The following SPON1 variants were observed in gnomAD, a reference collection of about 807,000 sequenced individuals.
SPON1 encodes spondin 1.
In SPON1, 52 loss-of-function variants were observed where a neutral mutation model predicts 111.7. The observed-to-expected ratio is 0.47, with a 90% CI of 0.37 to 0.59. The LOEUF (loss-of-function observed/expected upper bound fraction) is 0.59, where lower values mean the gene tolerates loss of function less well. Ranked by LOEUF, SPON1 falls within the 20% of genes least tolerant of loss-of-function variation. SPON1 has a pLI of 0.00. For missense variants in SPON1, 957 were observed against 1,068.5 expected (o/e 0.90, Z 1.46); for synonymous variants, 410 against 395.8 (o/e 1.04, Z -0.43).
chr11:14,114,906 A>T (rs1849255541), intron 5 of SPON1, among the ~76,000 whole-genome samples: 1 of 152,110 alleles, frequency 6.6e-6, no homozygotes, highest in African/African-American at 2.4e-5. Context: ...ATTTTTGTTA[A>T]AGTAAGGTGG....
At position 14,059,888 on chromosome 11, in the gene SPON1, A is replaced by G. The variant is rs73422184; in HGVS notation, c.480-15457A>G. Among the ~76,000 whole-genome samples, 182 of 152,306 alleles carry G rather than the reference A, an allele frequency of 1.2e-3. 3 individuals carry two copies. Among genetic ancestry groups the G allele is most frequent in the Middle Eastern group, 0.01 (3 of 294 alleles). The stretch of plus-strand genomic sequence containing the variant: ...GCTTCTGCTAATTGTGTTGTCAAGA[A>G]GGTCCTTGACTGGTTCTAAGCATTC... On this transcript the variant is annotated intron_variant, in intron 3 of 15. Coordinates refer to ENST00000576479, the MANE Select transcript of SPON1 (RefSeq NM_006108.4).
chr11:14,209,193 G>T (rs1433488633), intron 6 of SPON1, among the ~76,000 whole-genome samples: 1 of 152,182 alleles, frequency 6.6e-6, no homozygotes, highest in Non-Finnish European at 1.5e-5. Context: ...GTTATTGACA[G>T]CTCACAGAAT....
intron 2 of SPON1, among the ~76,000 whole-genome samples, chr11:14,028,192 A>G (rs1350849348): frequency 1.3e-5 from 2 of 152,166 alleles, no homozygotes; most frequent in Non-Finnish European, 2.9e-5. Context: ...GCAAGAATGT[A>G]GAGTCTGTGC....
At position 14,254,509 on chromosome 11, in the gene SPON1, C is replaced by A. The variant is rs547857268; in HGVS notation, c.891-19C>A. 5.1e-6 allele frequency: 8 copies of A among 1,573,422 alleles called. No individual in the cohort carries two copies. In the East Asian group the frequency reaches 1.8e-4, roughly 35 times the overall value. Reference sequence around the variant, plus strand: ...ACCCCCAGAACTCTAATATAATGGTCTCTGTATTTCGTTTCCAGGAGAGCA... The same window carrying A: ...ACCCCCAGAACTCTAATATAATGGTATCTGTATTTCGTTTCCAGGAGAGCA... On this transcript the variant is annotated intron_variant, in intron 7 of 15. Transcript: ENST00000576479.
In SPON1 at chr11:14,079,921, T is replaced by C. The variant is rs1564900134; in HGVS notation, c.576T>C (p.Thr192=). 6.2e-7 allele frequency: 1 copy of C among 1,613,976 alleles called. No individual in the cohort carries two copies. Among genetic ancestry groups the C allele is most frequent in the Non-Finnish European group, 8.5e-7 (1 of 1,179,868 alleles). ...CEQDSTFDGV[T]DKPILDCCAC... The stretch of plus-strand genomic sequence containing the variant: ...CAGATTCCACATTTGATGGGGTGAC[T>C]GACAAACCCATCTTAGACTGCTGTG... Residue 192 remains threonine, a synonymous_variant, in exon 5 of 16, where the codon ACT becomes ACC. Coordinates refer to ENST00000576479, the MANE Select transcript of SPON1 (RefSeq NM_006108.4).
At chr11:13,972,749 G>A (rs576790023) in intron 1 of SPON1, among the ~76,000 whole-genome samples, 1 of 152,316 alleles carries the variant, frequency 6.6e-6, no homozygotes, top group South Asian at 2.1e-4. Flanking sequence ...GGTGATTCTT[G>A]TAGTTTAGGC....
chr11:14,107,680 G>A (rs1554925070), intron 5 of SPON1, among the ~76,000 whole-genome samples: 1 of 151,894 alleles, frequency 6.6e-6, no homozygotes, highest in Non-Finnish European at 1.5e-5. Context: ...GAAGGTGGGA[G>A]AGAGAGCAAG....
intron 5 of SPON1, among the ~76,000 whole-genome samples, chr11:14,130,965 G>A (rs1023160588): frequency 4.6e-5 from 7 of 152,072 alleles, no homozygotes; most frequent in Non-Finnish European, 7.4e-5. Flanking sequence ...GGTATAAGGA[G>A]GTTTGAGAAC....
intron 2 of SPON1, among the ~76,000 whole-genome samples, chr11:14,034,070 A>C (rs1848577298): frequency 6.6e-6 from 1 of 152,336 alleles, no homozygotes; most frequent in African/African-American, 2.4e-5. Context: ...CAAGCTACTC[A>C]GGAGGCTGAA....
chr11:14,105,628 G>A (rs918691002), intron 5 of SPON1, among the ~76,000 whole-genome samples: 1 of 151,548 alleles, frequency 6.6e-6, no homozygotes. Flanking sequence ...CTTCTCTCGT[G>A]CCTGACAAAC....
chr11:14,214,741 T>G (rs571738292), intron 6 of SPON1, among the ~76,000 whole-genome samples: 15 of 152,352 alleles, frequency 9.8e-5, no homozygotes, highest in African/African-American at 3.6e-4. Context: ...CCAGAGTGAC[T>G]GGAACATTGT....
intron 5 of SPON1, among the ~76,000 whole-genome samples, chr11:14,120,123 A>G (rs559718218): frequency 6.6e-6 from 1 of 152,152 alleles, no homozygotes; most frequent in South Asian, 2.1e-4. Flanking sequence ...TGGGTGAGTC[A>G]TTTAATCTGT....
intron 6 of SPON1, among the ~76,000 whole-genome samples, chr11:14,190,845 T>A (rs185232955): frequency 2.6e-5 from 4 of 152,092 alleles, no homozygotes; most frequent in African/African-American, 7.2e-5. Context: ...TTCACCACCT[T>A]GACCAGGCTG....
intron 2 of SPON1, among the ~76,000 whole-genome samples, chr11:13,996,724 T>TATATATATATATATAC (rs569794197): frequency 3.1e-4 from 47 of 152,036 alleles, no homozygotes; most frequent in Admixed American, 1.7e-3. Flanking sequence ...TATATATATA[T>TATATATATATATATAC]ACACACACAC....
At chr11:14,219,733 C>T (rs1205854394) in intron 6 of SPON1, among the ~76,000 whole-genome samples, 1 of 152,194 alleles carries the variant, frequency 6.6e-6, no homozygotes, top group Non-Finnish European at 1.5e-5. Flanking sequence ...TGTTTATCTG[C>T]AAGCCAGATC....
chr11:14,261,030 C>G (rs1554941870), intron 14 of SPON1, among the ~76,000 whole-genome samples: 1 of 152,088 alleles, frequency 6.6e-6, no homozygotes, highest in Non-Finnish European at 1.5e-5. Flanking sequence ...GCTCAATAAA[C>G]CTTAGTTCTT....
At chr11:14,136,290 C>T (rs1227935911) in intron 6 of SPON1, among the ~76,000 whole-genome samples, 6 of 152,152 alleles carry the variant, frequency 3.9e-5, no homozygotes, top group African/African-American at 1.4e-4. Flanking sequence ...CCATCACTAC[C>T]CACAAAAGCC....
At chr11:13,972,702 C>T (rs1466087121) in intron 1 of SPON1, among the ~76,000 whole-genome samples, 1 of 152,196 alleles carries the variant, frequency 6.6e-6, no homozygotes, top group Non-Finnish European at 1.5e-5. Context: ...CATAAGCCAC[C>T]TCAGTTTAGT....
chr11:14,100,359 T>A (rs557684453), intron 5 of SPON1, among the ~76,000 whole-genome samples: 189 of 152,238 alleles, frequency 1.2e-3, no homozygotes, highest in Non-Finnish European at 2.4e-3. Flanking sequence ...CATGTTATTA[T>A]ACATTTCTGA....
Sources: gnomAD v4.1 joint callset for allele counts (sites outside exome capture counted in the v4.1 genomes callset) on GRCh38, gnomAD v4.1.1 for gene constraint, MANE v1.5 for transcripts, NCBI Gene and HGNC (gene_info 2026-07-23, HGNC 2026-07-21) for gene names.